Variants in ATP8B4 observed in about 807,000 individuals in gnomAD.
ATP8B4 encodes the protein probable phospholipid-transporting ATPase IM.
In ATP8B4, 133 loss-of-function variants were observed where a neutral mutation model predicts 145.6. That is an observed-to-expected ratio of 0.91 (90% CI 0.79 to 1.05). The LOEUF is 1.05. Among genes scored for constraint, ATP8B4 ranks in the 50% least tolerant of loss-of-function variants. ATP8B4 has a pLI of 0.00. For synonymous variants in ATP8B4, 507 were observed against 492.9 expected, an observed-to-expected ratio of 1.03 and a Z score of -0.38; for missense variants, 1,458 against 1,425.2, an observed-to-expected ratio of 1.02 and a Z score of -0.37.
rs527504446 is a variant in ATP8B4, at chr15:49,965,262, C to T, written c.1244-3242G>A. Among the ~76,000 whole-genome samples, 137 of 152,320 alleles carry T rather than the reference C, an allele frequency of 9.0e-4. 1 individual carries two copies. The highest frequency in any genetic ancestry group is 3.2e-3 in the African/African-American group (131 of 41,584). On this transcript the variant is annotated intron_variant, in intron 13 of 27. Transcript: ENST00000284509. Reference sequence around the variant, plus strand: ...AGGTCAAAAAGTAGGAGATTGCAAACATCAACTTCTTCTTAGTTTTGTTCA... The same window carrying T: ...AGGTCAAAAAGTAGGAGATTGCAAATATCAACTTCTTCTTAGTTTTGTTCA...
At chr15:49,884,126 T>C in intron 23 of ATP8B4, among the ~76,000 whole-genome samples, 1 of 152,304 alleles carries the variant, frequency 6.6e-6, no homozygotes, top group Admixed American at 6.5e-5. Flanking sequence ...ATAAAAGTAT[T>C]TAGATTTTTT....
At chr15:49,984,217 CAG>C (rs1180532505) in intron 10 of ATP8B4, among the ~76,000 whole-genome samples, 1 of 152,148 alleles carries the variant, frequency 6.6e-6, no homozygotes. Context: ...TAGTAAGTGT[CAG>C]AGCGAGAATT....
chr15:50,111,679 G>A (rs1474096604), intron 1 of ATP8B4, among the ~76,000 whole-genome samples: 1 of 152,196 alleles, frequency 6.6e-6, no homozygotes, highest in Non-Finnish European at 1.5e-5. Context: ...ACAGAATCTG[G>A]GGCAAATAAG....
intron 2 of ATP8B4, among the ~76,000 whole-genome samples, chr15:50,086,659 T>C (rs1471814876): frequency 1.7e-5 from 2 of 114,886 alleles, no homozygotes; most frequent in Non-Finnish European, 3.2e-5. Context: ...AATAAAATAA[T>C]AGAGATCTAT....
intron 3 of ATP8B4, among the ~76,000 whole-genome samples, chr15:50,057,156 A>G (rs1405755074): frequency 6.6e-6 from 1 of 152,208 alleles, no homozygotes; most frequent in African/African-American, 2.4e-5. Flanking sequence ...ACTTGGGCAC[A>G]TAATGGAGAA....
intron 2 of ATP8B4, among the ~76,000 whole-genome samples, chr15:50,102,050 A>G (rs2056389254): frequency 6.6e-6 from 1 of 152,204 alleles, no homozygotes; most frequent in Admixed American, 6.5e-5. Context: ...CTGAACAATA[A>G]TAGTGACACA....
chr15:49,893,819 T>C (rs1244596391), intron 23 of ATP8B4, among the ~76,000 whole-genome samples: 2 of 152,232 alleles, frequency 1.3e-5, no homozygotes, highest in Non-Finnish European at 1.5e-5. Flanking sequence ...TAAGCTAATA[T>C]AGACCATGAT....
intron 1 of ATP8B4, among the ~76,000 whole-genome samples, chr15:50,136,245 A>T (rs907408921): frequency 2.0e-5 from 3 of 152,308 alleles, no homozygotes; most frequent in African/African-American, 2.4e-5. Flanking sequence ...ACACTGTCAT[A>T]TAATTTTTAG....
At chr15:50,102,143 A>T (rs1213322878) in intron 2 of ATP8B4, among the ~76,000 whole-genome samples, 2 of 152,114 alleles carry the variant, frequency 1.3e-5, no homozygotes, top group Non-Finnish European at 2.9e-5. Flanking sequence ...AAAAAGTCTG[A>T]AAGAGCACAA....
intron 1 of ATP8B4, among the ~76,000 whole-genome samples, chr15:50,171,102 A>T (rs1234286311): frequency 6.6e-6 from 1 of 152,210 alleles, no homozygotes; most frequent in East Asian, 1.9e-4. Context: ...ACAGCAACAC[A>T]ATAATACTGG....
chr15:50,047,803 G>T (rs2051838740), intron 3 of ATP8B4, among the ~76,000 whole-genome samples: 1 of 152,270 alleles, frequency 6.6e-6, no homozygotes, highest in East Asian at 1.9e-4. Flanking sequence ...AGCCCGCAAG[G>T]CAGGAGGGAA....
At chr15:50,121,006 T>A (rs2057264565), upstream of ATP8B4, among the ~76,000 whole-genome samples, 1 of 152,132 alleles carries the variant, frequency 6.6e-6, no homozygotes, top group East Asian at 1.9e-4. Context: ...CTATTATAAA[T>A]AAGAGATAGG....
rs546356905 is a variant in ATP8B4, at chr15:50,056,067, TG to T, written c.88-8604del. 2.7e-3 allele frequency among the ~76,000 whole-genome samples: 413 copies of T among 152,064 alleles called. 2 individuals are homozygous for T. Among genetic ancestry groups the T allele is most frequent in the African/African-American group, 9.6e-3 (399 of 41,456 alleles). ...CAATCACAGAAGAGGCTTTGCAGAG[TG>T]TGTCAATCAATACTGACTACACTCA... On this transcript the variant is annotated intron_variant, in intron 3 of 27. Transcript: ENST00000284509.
chr15:49,977,435 T>C (rs1167701481), intron 12 of ATP8B4, among the ~76,000 whole-genome samples: 1 of 152,134 alleles, frequency 6.6e-6, no homozygotes, highest in African/African-American at 2.4e-5. Context: ...TCTTTTGATT[T>C]CTTCACTGAG....
chr15:50,118,651 C>G (rs2057222115), intron 1 of ATP8B4, among the ~76,000 whole-genome samples: 1 of 152,122 alleles, frequency 6.6e-6, no homozygotes, highest in Non-Finnish European at 1.5e-5. Flanking sequence ...CAAATTTTAG[C>G]ACTAAAAACA....
intron 12 of ATP8B4, among the ~76,000 whole-genome samples, chr15:49,974,600 T>C (rs1296346341): frequency 6.6e-6 from 1 of 152,160 alleles, no homozygotes; most frequent in Admixed American, 6.6e-5. Flanking sequence ...ATCAAAAGTT[T>C]ATACTTTCTG....
At position 49,916,851 on chromosome 15, in the gene ATP8B4, C is replaced by A. The variant is rs775798182; in HGVS notation, c.2141+83G>T. 7 of 1,301,614 alleles carry A rather than the reference C, an allele frequency of 5.4e-6. No homozygotes were observed. In the Admixed American group the frequency reaches 9.0e-5, roughly 17 times the overall value. 80.6% of individuals were successfully genotyped at this position (1,301,614 alleles called of 1,614,324 possible). ...AAGACCACAGGAAACTATAGCATAG[C>A]TTTTCACTTTCTCAACTCTCTGATC... On this transcript the variant is annotated intron_variant, in intron 20 of 27. Coordinates refer to ENST00000284509, the MANE Select transcript of ATP8B4 (RefSeq NM_024837.4).
intron 22 of ATP8B4, 65 bp downstream of exon 22, chr15:49,898,003 T>C: frequency 6.5e-7 from 1 of 1,549,778 alleles, no homozygotes; most frequent in Admixed American, 1.7e-5. Context: ...GATTATATAT[T>C]GCCAAATGCT....
Position 50,085,913 on chromosome 15 carries a change from A to T in ATP8B4, c.29-11728T>A, listed in dbSNP as rs1303068199. 2.8e-4 allele frequency among the ~76,000 whole-genome samples: 31 copies of T among 111,642 alleles called. 1 individual carries two copies. Among genetic ancestry groups the T allele is most frequent in the African/African-American group, 1.1e-3 (29 of 25,840 alleles). 73.2% of individuals were successfully genotyped at this position (111,642 alleles called of 152,430 possible). ...TATATGATATATATCATATATATTTATATATGATATATATCATATATATTT... is the reference window on the plus strand; with the variant it reads ...TATATGATATATATCATATATATTTTTATATGATATATATCATATATATTT... On this transcript the variant is annotated intron_variant, in intron 2 of 27. Coordinates refer to ENST00000284509, the MANE Select transcript of ATP8B4 (RefSeq NM_024837.4).
Sources: allele counts gnomAD v4.1 joint callset (sites outside exome capture counted in the v4.1 genomes callset), GRCh38; gene constraint gnomAD v4.1.1; transcripts MANE v1.5; gene names NCBI Gene and HGNC (gene_info 2026-07-23, HGNC 2026-07-21).